The following MAN1A1 variants were observed in gnomAD, a reference collection of about 807,000 sequenced individuals.
MAN1A1 encodes the protein mannosidase alpha class 1A member 1, also known as mannosyl-oligosaccharide 1,2-alpha-mannosidase IA.
MAN1A1 carries 29 observed loss-of-function variants against 70.8 expected under a neutral mutation model. The observed-to-expected ratio is 0.41, with a 90% CI of 0.31 to 0.56. MAN1A1 has a LOEUF of 0.56. Ranked by LOEUF, MAN1A1 falls within the 20% of genes least tolerant of loss-of-function variation. The probability of loss-of-function intolerance (pLI) is 0.29; values close to 1 mark genes in which losing one functional copy is unlikely to be tolerated. For missense variants in MAN1A1, 747 were observed against 841.3 expected, an observed-to-expected ratio of 0.89 and a Z score of 1.39; for synonymous variants, 349 against 330.1, an observed-to-expected ratio of 1.06 and a Z score of -0.62.
rs541857742 is a variant in MAN1A1, at chr6:119,341,093, A to G, written c.603+7370T>C. On this transcript the variant is annotated intron_variant, in intron 2 of 12. Transcript: ENST00000368468. ...AAGTACCTAAAGCAACTACCAGAGTATTCATGACAGAAATGAGGGCTGTGA... is the reference window on the plus strand; with the variant it reads ...AAGTACCTAAAGCAACTACCAGAGTGTTCATGACAGAAATGAGGGCTGTGA... Among the ~76,000 whole-genome samples the G allele has an allele frequency of 5.9e-5, 9 of 152,218 alleles. No homozygotes were observed. The South Asian group carries it at 1.9e-3, about 32-fold the overall frequency.
At chr6:119,289,668 T>C (rs1351091944) in intron 5 of MAN1A1, among the ~76,000 whole-genome samples, 1 of 151,948 alleles carries the variant, frequency 6.6e-6, no homozygotes, top group Non-Finnish European at 1.5e-5. Flanking sequence ...CTATATACTT[T>C]GAAAAGATCT....
intron 9 of MAN1A1, 76 bp downstream of exon 9, chr6:119,193,701 T>C: frequency 3.2e-6 from 3 of 931,444 alleles, no homozygotes; most frequent in Non-Finnish European, 3.3e-6. Context: ...GTATACCACT[T>C]ATTCATTAAA....
At chr6:119,204,961 G>C in intron 6 of MAN1A1, 79 bp from the exon 7 acceptor site, 3 of 1,486,382 alleles carry the variant, frequency 2.0e-6, no homozygotes, top group Non-Finnish European at 2.7e-6. Context: ...ACATGAAATA[G>C]ACAGCTTTTA....
intron 4 of MAN1A1, among the ~76,000 whole-genome samples, chr6:119,295,239 T>G (rs1038816204): frequency 6.6e-6 from 1 of 152,090 alleles, no homozygotes; most frequent in African/African-American, 2.4e-5. Context: ...CTCTTCACAC[T>G]AGACAAGACA....
intron 5 of MAN1A1, among the ~76,000 whole-genome samples, chr6:119,279,939 T>G (rs751167398): frequency 6.6e-6 from 1 of 152,040 alleles, no homozygotes. Flanking sequence ...CTAAAGAGAG[T>G]CCATATACAA....
chr6:119,349,948 G>A (rs1773863077), upstream of MAN1A1, among the ~76,000 whole-genome samples: 1 of 152,122 alleles, frequency 6.6e-6, no homozygotes, highest in Non-Finnish European at 1.5e-5. Flanking sequence ...CCGGCGGCGG[G>A]GAGGTCGCGG....
intron 6 of MAN1A1, among the ~76,000 whole-genome samples, chr6:119,221,472 C>CTTTT (rs5879491): frequency 1.5e-5 from 2 of 130,386 alleles, no homozygotes; most frequent in Non-Finnish European, 3.2e-5. Flanking sequence ...ATTTTCTTTT[C>CTTTT]TTTTTTTTTT....
chr6:119,184,361 C>T (rs1773230719), intron 11 of MAN1A1, among the ~76,000 whole-genome samples: 1 of 152,096 alleles, frequency 6.6e-6, no homozygotes, highest in Non-Finnish European at 1.5e-5. Flanking sequence ...GAGCTCTAAA[C>T]AAAGGATGAA....
At chr6:119,292,863 G>T (rs1270326224) in intron 4 of MAN1A1, among the ~76,000 whole-genome samples, 1 of 151,958 alleles carries the variant, frequency 6.6e-6, no homozygotes, top group Non-Finnish European at 1.5e-5. Flanking sequence ...ATTGGCAAAG[G>T]CTTTAATATT....
At chr6:119,294,500 A>T (rs773715601) in intron 4 of MAN1A1, among the ~76,000 whole-genome samples, 4 of 152,054 alleles carry the variant, frequency 2.6e-5, no homozygotes, top group African/African-American at 4.8e-5. Context: ...AATAAAAGTA[A>T]CTTCCCTTTT....
At chr6:119,210,244 T>G (rs560884793) in intron 6 of MAN1A1, among the ~76,000 whole-genome samples, 2 of 152,346 alleles carry the variant, frequency 1.3e-5, no homozygotes, top group South Asian at 2.1e-4. Context: ...ATCTATCTTT[T>G]GGGTAAGATC....
At chr6:119,216,310 T>C (rs1452568035) in intron 6 of MAN1A1, among the ~76,000 whole-genome samples, 2 of 152,156 alleles carry the variant, frequency 1.3e-5, no homozygotes, top group Non-Finnish European at 2.9e-5. Flanking sequence ...CAAATGATTG[T>C]ATAGGCAAAA....
intron 4 of MAN1A1, among the ~76,000 whole-genome samples, chr6:119,301,671 T>C (rs1029619846): frequency 6.6e-6 from 1 of 152,176 alleles, no homozygotes; most frequent in African/African-American, 2.4e-5. Flanking sequence ...GAGGTTAAGA[T>C]GTTTAATATA....
chr6:119,244,546 AT>A (rs994803102), intron 6 of MAN1A1, among the ~76,000 whole-genome samples: 7 of 151,642 alleles, frequency 4.6e-5, no homozygotes, highest in African/African-American at 1.7e-4. Flanking sequence ...GACAATTAAA[AT>A]TTTTTTTTCT....
intron 6 of MAN1A1, among the ~76,000 whole-genome samples, chr6:119,210,462 T>A (rs1475041978): frequency 7.9e-5 from 12 of 152,298 alleles, no homozygotes; most frequent in African/African-American, 2.6e-4. Context: ...GCTTTAAATA[T>A]ATACTGCATT....
chr6:119,257,403 T>C (rs1775489257), intron 5 of MAN1A1, among the ~76,000 whole-genome samples: 1 of 152,016 alleles, frequency 6.6e-6, no homozygotes, highest in Non-Finnish European at 1.5e-5. Context: ...AGTGGAGAGA[T>C]TTCTGGGTCA....
chr6:119,348,254 C>T (rs754806574), intron 2 of MAN1A1, among the ~76,000 whole-genome samples: 2 of 152,212 alleles, frequency 1.3e-5, no homozygotes, highest in African/African-American at 4.8e-5. Context: ...TTAAAAGCAA[C>T]GAGATTTGAC....
At chr6:119,283,197 C>T (rs909248336) in intron 5 of MAN1A1, among the ~76,000 whole-genome samples, 2 of 152,192 alleles carry the variant, frequency 1.3e-5, no homozygotes, top group Non-Finnish European at 2.9e-5. Context: ...ATTACATTTT[C>T]TCCTTCTCAT....
chr6:119,262,914 G>C (rs961041004), intron 5 of MAN1A1, among the ~76,000 whole-genome samples: 2 of 152,184 alleles, frequency 1.3e-5, no homozygotes, highest in Non-Finnish European at 2.9e-5. Context: ...ATTAACGTTT[G>C]AATCAGTGGG....
Sources: gnomAD v4.1 joint callset for allele counts (sites outside exome capture counted in the v4.1 genomes callset) on GRCh38, gnomAD v4.1.1 for gene constraint, MANE v1.5 for transcripts, NCBI Gene and HGNC (gene_info 2026-07-23, HGNC 2026-07-21) for gene names.